Variants in ADAMTSL1 observed in about 807,000 individuals in gnomAD.
ADAMTSL1 encodes the protein ADAMTS like 1, also known as ADAMTS-like protein 1.
Under a neutral mutation model 201.8 loss-of-function variants are expected in ADAMTSL1, and 126 were observed. That is an observed-to-expected ratio of 0.62 (90% CI 0.54 to 0.72). ADAMTSL1 has a LOEUF of 0.72. Ranked by LOEUF, ADAMTSL1 falls within the 30% of genes least tolerant of loss-of-function variation. The pLI is 0.00. For missense variants in ADAMTSL1, 2,679 were observed against 2,277.8 expected (o/e 1.18, Z -3.59); for synonymous variants, 1,121 against 903.4 (o/e 1.24, Z -4.32).
At chr9:18,191,896 A>G (rs545680263) in intron 2 of ADAMTSL1, among the ~76,000 whole-genome samples, 1 of 152,314 alleles carries the variant, frequency 6.6e-6, no homozygotes, top group African/African-American at 2.4e-5. Flanking sequence ...GAGTAATAAA[A>G]GGGATTCTTA....
intron 2 of ADAMTSL1, among the ~76,000 whole-genome samples, chr9:18,255,795 T>A (rs371061169): frequency 6.6e-6 from 1 of 152,216 alleles, no homozygotes; most frequent in East Asian, 1.9e-4. Flanking sequence ...CCTCTCTGCC[T>A]CTTTCCCTGG....
At chr9:17,930,920 G>C (rs556860351) in intron 1 of ADAMTSL1, among the ~76,000 whole-genome samples, 63 of 152,280 alleles carry the variant, frequency 4.1e-4, no homozygotes, top group African/African-American at 1.4e-3. Flanking sequence ...TGGAAGCCCA[G>C]GTGGGGTTCT....
intron 4 of ADAMTSL1, among the ~76,000 whole-genome samples, chr9:18,592,714 G>T (rs772904363): frequency 3.3e-5 from 5 of 152,064 alleles, no homozygotes; most frequent in African/African-American, 9.7e-5. Flanking sequence ...GGTCTTTTGT[G>T]GTTCCATGTA....
intron 23 of ADAMTSL1, among the ~76,000 whole-genome samples, chr9:18,886,263 C>CAGA (rs1178441850): frequency 6.8e-6 from 1 of 146,864 alleles, no homozygotes; most frequent in South Asian, 2.2e-4. Context: ...TACACACACA[C>CAGA]AGAAATTATC....
chr9:18,130,447 A>G (rs2187454), intron 1 of ADAMTSL1, among the ~76,000 whole-genome samples: 58,546 of 152,000 alleles, frequency 0.39, 12,549 homozygotes, highest in South Asian at 0.48. Flanking sequence ...GACATTTCTG[A>G]TGAAAATTTG....
At chr9:17,908,744 C>A (rs2131262753) in intron 1 of ADAMTSL1, among the ~76,000 whole-genome samples, 1 of 152,334 alleles carries the variant, frequency 6.6e-6, no homozygotes, top group East Asian at 1.9e-4. Flanking sequence ...AGGCGTGAGC[C>A]ACTGCTCCCG....
At chr9:18,456,590 A>G (rs1003206801) in intron 2 of ADAMTSL1, among the ~76,000 whole-genome samples, 3 of 152,196 alleles carry the variant, frequency 2.0e-5, no homozygotes, top group African/African-American at 7.2e-5. Flanking sequence ...ATTAACTTCT[A>G]TAAAAGTCTT....
intron 2 of ADAMTSL1, among the ~76,000 whole-genome samples, chr9:18,293,991 G>GA (rs1482669074): frequency 6.6e-6 from 1 of 152,108 alleles, no homozygotes; most frequent in Admixed American, 6.5e-5. Flanking sequence ...AAGCTAATAG[G>GA]AAAAATCAGT....
chr9:18,662,268 C>T (rs118100207), intron 9 of ADAMTSL1, among the ~76,000 whole-genome samples, 195 bp downstream of exon 9: 1,793 of 152,282 alleles, frequency 0.012, 21 homozygotes, highest in Non-Finnish European at 0.017. Context: ...GAGGCCATCT[C>T]GGAGTCTACA....
At chr9:18,456,885 A>G (rs781182903) in intron 2 of ADAMTSL1, among the ~76,000 whole-genome samples, 1 of 152,134 alleles carries the variant, frequency 6.6e-6, no homozygotes, top group Non-Finnish European at 1.5e-5. Context: ...TACCCTGTTC[A>G]TTTATTTAAT....
intron 26 of ADAMTSL1, among the ~76,000 whole-genome samples, chr9:18,901,612 T>A (rs1273460881): frequency 1.3e-5 from 2 of 152,192 alleles, no homozygotes; most frequent in African/African-American, 2.4e-5. Context: ...GTTATAACTT[T>A]GGGATATTAT....
chr9:18,043,771 A>G (rs1821536545), intron 1 of ADAMTSL1, among the ~76,000 whole-genome samples: 1 of 152,052 alleles, frequency 6.6e-6, no homozygotes, highest in African/African-American at 2.4e-5. Flanking sequence ...AATAAAAAAT[A>G]ATAATTCTAG....
At chr9:18,215,296 A>T (rs1194302790) in intron 2 of ADAMTSL1, among the ~76,000 whole-genome samples, 2 of 152,212 alleles carry the variant, frequency 1.3e-5, no homozygotes, top group African/African-American at 2.4e-5. Flanking sequence ...AAATAATCTA[A>T]CAACTATGAT....
chr9:18,294,135 C>T (rs1005751637), intron 2 of ADAMTSL1, among the ~76,000 whole-genome samples: 2 of 152,052 alleles, frequency 1.3e-5, no homozygotes, highest in African/African-American at 4.8e-5. Flanking sequence ...GAATGAAATA[C>T]CTGTAATTGC....
chr9:18,356,685 A>G (rs1191032375), intron 2 of ADAMTSL1, among the ~76,000 whole-genome samples: 1 of 152,040 alleles, frequency 6.6e-6, no homozygotes, highest in Non-Finnish European at 1.5e-5. Flanking sequence ...ATTAAAATGA[A>G]TCAATAAAAT....
chr9:18,572,519 A>G (rs1401635850), intron 3 of ADAMTSL1, among the ~76,000 whole-genome samples: 2 of 152,066 alleles, frequency 1.3e-5, no homozygotes, highest in East Asian at 1.9e-4. Flanking sequence ...CTCTGCTACT[A>G]TGGTTTATTC....
intron 1 of ADAMTSL1, among the ~76,000 whole-genome samples, chr9:17,925,994 T>C (rs1826511324): frequency 6.6e-6 from 1 of 152,070 alleles, no homozygotes; most frequent in South Asian, 2.1e-4. Flanking sequence ...AGGAAGGAAA[T>C]GTTTCATGTG....
Position 18,721,582 on chromosome 9 carries a change from G to T in ADAMTSL1, c.1923G>T (p.Glu641Asp), listed in dbSNP as rs139604924. The part of the protein sequence containing the change: ...VVSCLNKQTR[E>D]PAEENLCVTS... ...GCTGCTTGAACAAACAGACTCGGGAGCCTGCTGAGGAGAACCTGTGCGTGA... is the reference window on the plus strand; with the variant it reads ...GCTGCTTGAACAAACAGACTCGGGATCCTGCTGAGGAGAACCTGTGCGTGA... Residue 641 changes from glutamate to aspartate, a missense_variant, in exon 15 of 29, where the codon GAG becomes GAT. Physicochemically the swap from Glu to Asp is conservative, Grantham distance 45. Coordinates refer to ENST00000380548, the MANE Select transcript of ADAMTSL1 (RefSeq NM_001040272.6). 7 of 1,613,884 alleles carry T rather than the reference G, an allele frequency of 4.3e-6. No individual in the cohort carries two copies. In the African/African-American group the frequency reaches 8.0e-5, roughly 18 times the overall value.
intron 3 of ADAMTSL1, among the ~76,000 whole-genome samples, chr9:18,558,645 A>G (rs998922374): frequency 2.0e-5 from 3 of 152,058 alleles, no homozygotes; most frequent in East Asian, 1.9e-4. Context: ...AAGTGTTCCT[A>G]TTTCTCCACA....
Sources: gnomAD v4.1 joint callset for allele counts (sites outside exome capture counted in the v4.1 genomes callset) on GRCh38, gnomAD v4.1.1 for gene constraint, MANE v1.5 for transcripts, NCBI Gene and HGNC (gene_info 2026-07-23, HGNC 2026-07-21) for gene names.